PPIL1: variants seen among roughly 807,000 people sequenced by gnomAD.
PPIL1 encodes peptidylprolyl isomerase like 1.
In PPIL1, 14 loss-of-function variants were observed where a neutral mutation model predicts 19.4. The ratio of observed to expected loss-of-function variants is 0.72; its 90% confidence interval spans 0.48 to 1.13. The LOEUF is 1.13. Ranked by LOEUF, PPIL1 falls within the 50% of genes most tolerant of loss-of-function variation. The probability of loss-of-function intolerance (pLI) is 0.00; values close to 1 mark genes in which losing one functional copy is unlikely to be tolerated. For synonymous variants in PPIL1, 72 were observed against 73.6 expected, an observed-to-expected ratio of 0.98 and a Z score of 0.11; for missense variants, 192 against 218.0, an observed-to-expected ratio of 0.88 and a Z score of 0.75.
intron 2 of PPIL1, among the ~76,000 whole-genome samples, chr6:36,871,217 C>T (rs1774502502): frequency 1.3e-5 from 2 of 152,144 alleles, no homozygotes; most frequent in South Asian, 4.1e-4. Flanking sequence ...AAATTCCATC[C>T]CCACACCCTT....
At chr6:36,870,643 G>A (rs950315476) in intron 2 of PPIL1, among the ~76,000 whole-genome samples, 1 of 151,854 alleles carries the variant, frequency 6.6e-6, no homozygotes, top group Non-Finnish European at 1.5e-5. Flanking sequence ...TTATTTGAGA[G>A]GGAGTCTCAA....
intron 2 of PPIL1, among the ~76,000 whole-genome samples, chr6:36,859,424 C>CAAAAA (rs36097489): frequency 2.7e-5 from 2 of 73,206 alleles, no homozygotes; most frequent in Admixed American, 1.6e-4. Context: ...GACCCTGTCT[C>CAAAAA]AAAAAAAAAA....
rs370354054 is a variant in PPIL1 at position 36,871,150 on chromosome 6, T to C, written c.211+568A>G. On this transcript the variant is annotated intron_variant, in intron 2 of 3. Transcript: ENST00000373699. ...ACAGTTGCAAGGTTCACTTTCTTAC[T>C]TCATTCAGATCTCTTCTCCAATAAT... 2.6e-5 allele frequency among the ~76,000 whole-genome samples: 4 copies of C among 152,332 alleles called. No individual in the cohort carries two copies. The East Asian group carries it at 5.8e-4, about 22-fold the overall frequency.
At chr6:36,870,979 C>T (rs75703173) in intron 2 of PPIL1, among the ~76,000 whole-genome samples, 195 of 152,270 alleles carry the variant, frequency 1.3e-3, no homozygotes, top group African/African-American at 3.8e-3. Context: ...GCTCAAAACT[C>T]TCCAATGACT....
At chr6:36,872,244 TA>T (rs1261813072) in intron 1 of PPIL1, among the ~76,000 whole-genome samples, 6 of 152,162 alleles carry the variant, frequency 3.9e-5, no homozygotes, top group African/African-American at 1.2e-4. Flanking sequence ...TTTAATTTTT[TA>T]AAAAAAGAGA....
At chr6:36,867,677 G>A (rs1179422503) in intron 2 of PPIL1, among the ~76,000 whole-genome samples, 4 of 152,226 alleles carry the variant, frequency 2.6e-5, no homozygotes, top group South Asian at 2.1e-4. Flanking sequence ...GTGACAGAGG[G>A]ACACCACTGG....
chr6:36,874,269 C>T (rs1774586660), intron 1 of PPIL1, among the ~76,000 whole-genome samples: 1 of 152,218 alleles, frequency 6.6e-6, no homozygotes, highest in Non-Finnish European at 1.5e-5. Context: ...AAATGTGCTT[C>T]TTCCTGTATT....
intron 2 of PPIL1, among the ~76,000 whole-genome samples, chr6:36,870,416 C>T (rs1306185032): frequency 6.6e-6 from 1 of 152,108 alleles, no homozygotes; most frequent in East Asian, 1.9e-4. Flanking sequence ...TGAGCATAGT[C>T]GGCCCTCCCT....
chr6:36,866,231 A>G (rs1180062661), intron 2 of PPIL1, among the ~76,000 whole-genome samples: 1 of 152,232 alleles, frequency 6.6e-6, no homozygotes, highest in Non-Finnish European at 1.5e-5. Context: ...GAAATGAAGC[A>G]GGAAGTCAAA....
chr6:36,864,240 T>C (rs749911092), intron 2 of PPIL1, among the ~76,000 whole-genome samples: 16 of 151,884 alleles, frequency 1.1e-4, no homozygotes, highest in African/African-American at 1.5e-4. Flanking sequence ...ACTCCCCTGC[T>C]TGAAACCCTC....
intron 2 of PPIL1, among the ~76,000 whole-genome samples, chr6:36,866,907 G>A (rs921800925): frequency 6.6e-6 from 1 of 152,146 alleles, no homozygotes; most frequent in Non-Finnish European, 1.5e-5. Context: ...AGACCGAAGA[G>A]ACCTAATGCC....
intron 2 of PPIL1, among the ~76,000 whole-genome samples, chr6:36,860,458 C>A (rs1446166254): frequency 1.3e-5 from 2 of 152,092 alleles, no homozygotes; most frequent in Non-Finnish European, 2.9e-5. Flanking sequence ...AAAAGAGATT[C>A]TTTTCCTCTT....
chr6:36,865,992 A>C (rs542306900), intron 2 of PPIL1, among the ~76,000 whole-genome samples: 1 of 152,352 alleles, frequency 6.6e-6, no homozygotes, highest in Non-Finnish European at 1.5e-5. Flanking sequence ...TCAAAGTGAG[A>C]GTGACGCACA....
At chr6:36,865,819 C>G (rs571130922) in intron 2 of PPIL1, among the ~76,000 whole-genome samples, 1 of 152,154 alleles carries the variant, frequency 6.6e-6, no homozygotes, top group Admixed American at 6.5e-5. Context: ...AAAGAAAATG[C>G]CTTGGCTTTT....
At position 36,874,597 on chromosome 6, in the gene PPIL1, G is replaced by GCTCCACGCCC. The variant is rs1392425617; in HGVS notation, c.56+110_56+119dup. The GCTCCACGCCC allele has an allele frequency of 3.0e-6, 4 of 1,353,322 alleles. No homozygotes were observed. In the East Asian group the frequency reaches 9.6e-5, roughly 33 times the overall value. The allele number at this position is 1,353,322 out of a possible 1,614,324, so 83.8% of individuals were successfully genotyped here. A position where few individuals can be genotyped will look rare whatever the true frequency, so the allele number is the denominator to read the frequency against. On this transcript the variant is annotated intron_variant, in intron 1 of 3. Transcript: ENST00000373699. ...CCCTCTGGGGGCCGTCTCGGCCGCT[G>GCTCCACGCCC]CTCCACGCCCCTCCACGTGGAGGCC...
intron 3 of PPIL1, 145 bp from the exon 4 acceptor site, chr6:36,856,178 C>T: frequency 1.3e-6 from 1 of 799,308 alleles, no homozygotes; most frequent in Non-Finnish European, 2.0e-6. Flanking sequence ...AGGGCAGTCT[C>T]TCTGCCCTGT....
At chr6:36,870,169 G>A (rs983790829) in intron 2 of PPIL1, among the ~76,000 whole-genome samples, 1 of 150,002 alleles carries the variant, frequency 6.7e-6, no homozygotes, top group Non-Finnish European at 1.5e-5. Flanking sequence ...GATTAAGAAT[G>A]ACAAAAAAGA....
intron 2 of PPIL1, among the ~76,000 whole-genome samples, chr6:36,869,007 T>C (rs1030278241): frequency 1.3e-5 from 2 of 152,134 alleles, no homozygotes; most frequent in Non-Finnish European, 2.9e-5. Flanking sequence ...TATTTAGAGA[T>C]AGTGTCTCAC....
At position 36,862,236 on chromosome 6, in the gene PPIL1, A is replaced by G. The variant is rs183476625; in HGVS notation, c.212-5582T>C. On this transcript the variant is annotated intron_variant, in intron 2 of 3. Transcript: ENST00000373699. Reference sequence around the variant, plus strand: ...CAGCCCCACAGATGGGCAGTGGCCTATAAGGAGAGCCAGTGGGGCACCTGA... The same window carrying G: ...CAGCCCCACAGATGGGCAGTGGCCTGTAAGGAGAGCCAGTGGGGCACCTGA... Among the ~76,000 whole-genome samples, 5 of 142,526 alleles carry G rather than the reference A, an allele frequency of 3.5e-5. No individual in the cohort carries two copies. The East Asian group carries it at 1.1e-3, about 32-fold the overall frequency. The allele number at this position is 142,526 out of a possible 152,430, so 93.5% of individuals were successfully genotyped here. A position where few individuals can be genotyped will look rare whatever the true frequency, so the allele number is the denominator to read the frequency against.
Sources: gnomAD v4.1 joint callset for allele counts (sites outside exome capture counted in the v4.1 genomes callset) on GRCh38, gnomAD v4.1.1 for gene constraint, MANE v1.5 for transcripts, NCBI Gene and HGNC (gene_info 2026-07-23, HGNC 2026-07-21) for gene names.